SCAPER: variants seen among roughly 807,000 people sequenced by gnomAD.
The protein encoded by SCAPER is S-phase cyclin A associated protein in the ER, also known as S phase cyclin A-associated protein in the endoplasmic reticulum.
SCAPER carries 98 observed loss-of-function variants against 182.2 expected under a neutral mutation model. The observed-to-expected ratio is 0.54, with a 90% CI of 0.46 to 0.64. The LOEUF (loss-of-function observed/expected upper bound fraction) is 0.64. Ranked by LOEUF, SCAPER falls within the 30% of genes least tolerant of loss-of-function variation. The pLI, the probability that SCAPER is intolerant of heterozygous loss-of-function variation, is 0.00. For synonymous variants in SCAPER, 605 were observed against 564.6 expected (o/e 1.07, Z -1.01); for missense variants, 1,432 against 1,690.0 (o/e 0.85, Z 2.68).
At chr15:76,407,903 A>C (rs1264590113) in intron 26 of SCAPER, among the ~76,000 whole-genome samples, 1 of 152,166 alleles carries the variant, frequency 6.6e-6, no homozygotes, top group African/African-American at 2.4e-5. Context: ...ATCCTGCATA[A>C]AGTTTAAGCA....
intron 15 of SCAPER, among the ~76,000 whole-genome samples, chr15:76,742,094 C>T (rs1899555): frequency 6.6e-6 from 1 of 151,954 alleles, no homozygotes; most frequent in Admixed American, 6.6e-5. Context: ...CAGAAGTTTT[C>T]TAGAAAAAGA....
At chr15:76,884,384 T>G (rs1349942460) in intron 1 of SCAPER, among the ~76,000 whole-genome samples, 1 of 152,226 alleles carries the variant, frequency 6.6e-6, no homozygotes, top group Non-Finnish European at 1.5e-5. Context: ...CAGAATATCT[T>G]AATTAACAAT....
At position 76,554,851 on chromosome 15, in the gene SCAPER, G is replaced by A. The variant is rs142288015; in HGVS notation, c.2838+19307C>T. Among the ~76,000 whole-genome samples the A allele has an allele frequency of 9.1e-3, 1,367 of 149,926 alleles. 22 individuals carry two copies. Among genetic ancestry groups the A allele is most frequent in the African/African-American group, 0.032 (1,322 of 40,778 alleles). On this transcript the variant is annotated intron_variant, in intron 23 of 31. Transcript: ENST00000563290. The stretch of plus-strand genomic sequence containing the variant: ...AGTGCAGTGGTAGTGGCATGATCTC[G>A]GCTCACTGCAACTTCTGCCTACGGG...
intron 24 of SCAPER, among the ~76,000 whole-genome samples, chr15:76,471,766 G>A (rs17461634): frequency 0.4 from 60,135 of 151,884 alleles, 14,145 homozygotes; most frequent in Middle Eastern, 0.55. Context: ...GCACCCATAA[G>A]GAGAAACTGG....
chr15:76,762,367 C>CA (rs2062842525), intron 14 of SCAPER, among the ~76,000 whole-genome samples: 2 of 131,702 alleles, frequency 1.5e-5, no homozygotes, highest in Non-Finnish European at 3.2e-5. Context: ...TGATTGTGGG[C>CA]TTTTTTTTTT....
intron 22 of SCAPER, among the ~76,000 whole-genome samples, chr15:76,584,600 G>A (rs2048497457): frequency 6.6e-6 from 1 of 152,194 alleles, no homozygotes; most frequent in Non-Finnish European, 1.5e-5. Context: ...AGAAAGTTAT[G>A]TGATCTTCCC....
In SCAPER at chr15:76,596,540, T is replaced by A. The variant is rs2049513466; in HGVS notation, c.2712-22256A>T. On this transcript the variant is annotated intron_variant, in intron 22 of 31. Transcript: ENST00000563290. ...AGAAAATTTCAGGCCAATATCCCTG[T>A]TGAACACCGATGTGAAAATCCTCAA... Among the ~76,000 whole-genome samples the A allele has an allele frequency of 2.5e-5, 3 of 120,850 alleles. 1 individual carries two copies. Among genetic ancestry groups the A allele is most frequent in the South Asian group, 2.6e-4 (1 of 3,850 alleles). The allele number at this position is 120,850 out of a possible 152,430, so 79.3% of individuals were successfully genotyped here.
At chr15:76,739,222 A>G (rs1259230579) in intron 15 of SCAPER, among the ~76,000 whole-genome samples, 3 of 152,202 alleles carry the variant, frequency 2.0e-5, no homozygotes, top group Non-Finnish European at 2.9e-5. Flanking sequence ...TCCTCCACAG[A>G]TACTGAGGGA....
At chr15:76,694,152 G>C (rs1487390155) in intron 20 of SCAPER, among the ~76,000 whole-genome samples, 1 of 151,762 alleles carries the variant, frequency 6.6e-6, no homozygotes, top group Admixed American at 6.6e-5. Flanking sequence ...TTTTGATGGG[G>C]ATTACATTGA....
Position 76,368,498 on chromosome 15 carries a change from G to A in SCAPER, c.3855+7664C>T, listed in dbSNP as rs77625821. Reference sequence around the variant, plus strand: ...TTACAAGAGAGCTGGAAAATGCATGGCATGCAGCTCAGGCAGAACCAAGTT... The same window carrying A: ...TTACAAGAGAGCTGGAAAATGCATGACATGCAGCTCAGGCAGAACCAAGTT... On this transcript the variant is annotated intron_variant, in intron 29 of 31. Transcript: ENST00000563290. 3.1e-3 allele frequency among the ~76,000 whole-genome samples: 465 copies of A among 152,356 alleles called. 5 individuals carry two copies. The highest frequency in any genetic ancestry group is 4.6e-3 in the Non-Finnish European group (312 of 68,042).
At chr15:76,463,127 A>C (rs2049321289) in intron 25 of SCAPER, among the ~76,000 whole-genome samples, 2 of 152,166 alleles carry the variant, frequency 1.3e-5, no homozygotes, top group Admixed American at 1.3e-4. Context: ...ACTTCTGCTG[A>C]AGGAAAAGGC....
intron 15 of SCAPER, among the ~76,000 whole-genome samples, chr15:76,737,595 G>T (rs529991610): frequency 1.2e-4 from 18 of 152,342 alleles, no homozygotes; most frequent in African/African-American, 3.8e-4. Flanking sequence ...CCTAATAAGT[G>T]AGTCAGCCTT....
chr15:76,647,426 C>T (rs2054636519), intron 21 of SCAPER, among the ~76,000 whole-genome samples: 1 of 152,022 alleles, frequency 6.6e-6, no homozygotes, highest in African/African-American at 2.4e-5. Flanking sequence ...GACTGGAATC[C>T]CTCAGAAAAA....
chr15:76,775,423 A>G (rs1025709828), intron 8 of SCAPER, among the ~76,000 whole-genome samples: 4 of 152,296 alleles, frequency 2.6e-5, no homozygotes, highest in South Asian at 4.1e-4. Flanking sequence ...TTTATATATT[A>G]TATCTCTTTT....
intron 17 of SCAPER, 45 bp downstream of exon 17, chr15:76,728,550 T>C (rs1173928632): frequency 1.2e-6 from 2 of 1,609,938 alleles, no homozygotes; most frequent in Non-Finnish European, 1.7e-6. Context: ...TCAACTTGAA[T>C]ATTCACTCAG....
intron 27 of SCAPER, among the ~76,000 whole-genome samples, chr15:76,392,215 C>T (rs1596403380): frequency 1.3e-5 from 2 of 152,202 alleles, no homozygotes; most frequent in South Asian, 4.1e-4. Flanking sequence ...CTGCCTATCT[C>T]CTTTTAATTT....
At position 76,798,769 on chromosome 15, in the gene SCAPER, A is replaced by T. The variant is rs967067892; in HGVS notation, c.611+1479T>A. Reference sequence around the variant, plus strand: ...GAAACATAAAGTGCTGAAAGAAAGGATTATTAACCAAGAATTCTACATACT... The same window carrying T: ...GAAACATAAAGTGCTGAAAGAAAGGTTTATTAACCAAGAATTCTACATACT... On this transcript the variant is annotated intron_variant, in intron 7 of 31. Transcript: ENST00000563290. 2.6e-4 allele frequency among the ~76,000 whole-genome samples: 39 copies of T among 152,240 alleles called. 2 individuals are homozygous for T.
At chr15:76,705,806 G>T in intron 18 of SCAPER, 97 bp downstream of exon 18, 1 of 770,412 alleles carries the variant, frequency 1.3e-6, no homozygotes, top group South Asian at 1.8e-5. Flanking sequence ...CAAAGATTAA[G>T]AATACAAATT....
intron 8 of SCAPER, among the ~76,000 whole-genome samples, chr15:76,785,378 A>G (rs1330674243): frequency 6.6e-6 from 1 of 152,230 alleles, no homozygotes; most frequent in Non-Finnish European, 1.5e-5. Flanking sequence ...TCAGGAAACA[A>G]CAGATGCTGG....
Sources: allele counts gnomAD v4.1 joint callset (sites outside exome capture counted in the v4.1 genomes callset), GRCh38; gene constraint gnomAD v4.1.1; transcripts MANE v1.5; gene names NCBI Gene and HGNC (gene_info 2026-07-23, HGNC 2026-07-21).